TENM3: variants seen among roughly 807,000 people sequenced by gnomAD.
The protein encoded by TENM3 is teneurin-3.
Under a neutral mutation model 255.1 loss-of-function variants are expected in TENM3, and 63 were observed. The observed-to-expected ratio is 0.25, with a 90% CI of 0.20 to 0.30. The LOEUF is 0.30. Among genes scored for constraint, TENM3 ranks in the 10% least tolerant of loss-of-function variants. The pLI is 1.00. For missense variants in TENM3, 2,929 were observed against 3,461.1 expected, an observed-to-expected ratio of 0.85 and a Z score of 3.86; for synonymous variants, 1,306 against 1,322.3, an observed-to-expected ratio of 0.99 and a Z score of 0.27.
chr4:181,916,953 C>G, the TENM3 span, among the ~76,000 whole-genome samples: 1 of 151,988 alleles, frequency 6.6e-6, no homozygotes. Flanking sequence ...ACTTGAGAGG[C>G]CTGATAAAAA....
intron 1 of TENM3, among the ~76,000 whole-genome samples, chr4:182,296,011 G>A (rs1761464917): frequency 1.3e-5 from 2 of 152,096 alleles, no homozygotes; most frequent in Admixed American, 1.3e-4. Flanking sequence ...GAGTGCAATG[G>A]TGTGATCTCA....
chr4:182,387,109 C>T (rs1446658789), intron 3 of TENM3, among the ~76,000 whole-genome samples: 2 of 152,184 alleles, frequency 1.3e-5, no homozygotes, highest in African/African-American at 4.8e-5. Flanking sequence ...TTTGTGAATG[C>T]ACCAACCGAC....
chr4:181,961,337 C>T, the TENM3 span, among the ~76,000 whole-genome samples: 1 of 152,192 alleles, frequency 6.6e-6, no homozygotes, highest in Non-Finnish European at 1.5e-5. Flanking sequence ...GACCTTGGAT[C>T]AATGCACTCA....
At chr4:182,476,661 G>T (rs544224898) in intron 3 of TENM3, among the ~76,000 whole-genome samples, 3 of 151,958 alleles carry the variant, frequency 2.0e-5, no homozygotes, top group African/African-American at 7.3e-5. Context: ...CTTTCCTTAG[G>T]AGCCTCTATA....
chr4:182,277,524 A>T (rs1406665636), intron 1 of TENM3, among the ~76,000 whole-genome samples: 1 of 152,186 alleles, frequency 6.6e-6, no homozygotes. Context: ...CCCATTCAGA[A>T]CAAAGGAATG....
chr4:182,081,205 G>A, the TENM3 span, among the ~76,000 whole-genome samples: 2 of 152,070 alleles, frequency 1.3e-5, no homozygotes, highest in African/African-American at 4.8e-5. Flanking sequence ...GATTACTTAG[G>A]TAATACTCTT....
chr4:181,891,770 T>C, the TENM3 span, among the ~76,000 whole-genome samples: 3 of 152,290 alleles, frequency 2.0e-5, no homozygotes, highest in African/African-American at 7.2e-5. Context: ...CTAGTGTATG[T>C]GATGATCAAA....
At chr4:181,710,887 A>G in the TENM3 span, among the ~76,000 whole-genome samples, 1 of 150,588 alleles carries the variant, frequency 6.6e-6, no homozygotes, top group African/African-American at 2.5e-5. Context: ...AAAGGAAAAA[A>G]AGAAAAAAAA....
chr4:182,117,137 A>G, the TENM3 span, among the ~76,000 whole-genome samples: 1 of 152,150 alleles, frequency 6.6e-6, no homozygotes, highest in East Asian at 1.9e-4. Context: ...CAAGTTGTTA[A>G]TTTTCTTATT....
At chr4:181,893,854 T>A in the TENM3 span, among the ~76,000 whole-genome samples, 2 of 152,106 alleles carry the variant, frequency 1.3e-5, no homozygotes, top group Non-Finnish European at 2.9e-5. Context: ...TTTGAAATAA[T>A]TTGTAATTTT....
chr4:182,730,206 A>G lies in TENM3; in HGVS notation c.2592A>G (p.Ala864=), dbSNP rs766274845. Residue 864 remains alanine (A), a synonymous_variant, in exon 15 of 28, where the codon GCA becomes GCG. Transcript: ENST00000511685. ...TCTTCTGCTTTTCCAACAGCCTTGCATCTGTCATCAGAGGCCAAGTACTGA... is the reference window on the plus strand; with the variant it reads ...TCTTCTGCTTTTCCAACAGCCTTGCGTCTGTCATCAGAGGCCAAGTACTGA... ...PGESPFNKSL[A]SVIRGQVLTA... 5 of 1,613,706 alleles carry G rather than the reference A, an allele frequency of 3.1e-6. No individual in the cohort carries two copies. In the South Asian group the frequency reaches 3.3e-5, roughly 11 times the overall value.
intron 1 of TENM3, among the ~76,000 whole-genome samples, chr4:182,318,279 T>C (rs1230907601): frequency 1.3e-5 from 2 of 152,186 alleles, no homozygotes; most frequent in African/African-American, 4.8e-5. Context: ...TATGGAATTT[T>C]AGAACTACAA....
At chr4:182,669,210 T>C (rs899580425) in intron 6 of TENM3, among the ~76,000 whole-genome samples, 1 of 152,162 alleles carries the variant, frequency 6.6e-6, no homozygotes, top group Non-Finnish European at 1.5e-5. Flanking sequence ...CAAAAACTTA[T>C]GAGGAACTTA....
the TENM3 span, among the ~76,000 whole-genome samples, chr4:181,923,736 GA>G: frequency 6.6e-6 from 1 of 152,076 alleles, no homozygotes; most frequent in African/African-American, 2.4e-5. Context: ...TGATAGCCTG[GA>G]AACATCATTT....
chr4:181,825,612 C>T, the TENM3 span, among the ~76,000 whole-genome samples: 1 of 152,006 alleles, frequency 6.6e-6, no homozygotes, highest in African/African-American at 2.4e-5. Flanking sequence ...ATTTGGTAAA[C>T]TTCAGAAAGG....
At chr4:181,460,406 G>A in the TENM3 span, among the ~76,000 whole-genome samples, 2 of 151,906 alleles carry the variant, frequency 1.3e-5, no homozygotes, top group Non-Finnish European at 2.9e-5. Context: ...TAGGTTTACT[G>A]TAGCCAGCAC....
chr4:181,697,770 T>C, the TENM3 span, among the ~76,000 whole-genome samples: 1 of 152,196 alleles, frequency 6.6e-6, no homozygotes, highest in Non-Finnish European at 1.5e-5. Flanking sequence ...AAGTGAAATG[T>C]GCACAATAAT....
chr4:182,514,988 A>G (rs557161755), intron 3 of TENM3, among the ~76,000 whole-genome samples: 1 of 152,380 alleles, frequency 6.6e-6, no homozygotes, highest in Admixed American at 6.5e-5. Flanking sequence ...TTGAGAAACC[A>G]AGAAAGGAGA....
intron 3 of TENM3, among the ~76,000 whole-genome samples, chr4:182,447,742 T>G (rs1773045601): frequency 6.6e-6 from 1 of 152,204 alleles, no homozygotes; most frequent in African/African-American, 2.4e-5. Context: ...GCTTCATGTT[T>G]TCCTTGTTTC....
Sources: gnomAD v4.1 joint callset for allele counts (sites outside exome capture counted in the v4.1 genomes callset) on GRCh38, gnomAD v4.1.1 for gene constraint, MANE v1.5 for transcripts, NCBI Gene and HGNC (gene_info 2026-07-23, HGNC 2026-07-21) for gene names.